ACTL8: variants seen among roughly 807,000 people sequenced by gnomAD.
ACTL8 encodes actin-like protein 8.
A neutral mutation model predicts 9.3 loss-of-function variants in ACTL8; 3 were observed. That is an observed-to-expected ratio of 0.32 (90% CI 0.15 to 0.83). ACTL8 has a LOEUF of 0.83. Ranked by LOEUF, ACTL8 falls within the 40% of genes least tolerant of loss-of-function variation. The pLI, the probability that ACTL8 is intolerant of heterozygous loss-of-function variation, is 0.57. For missense variants in ACTL8, 381 were observed against 492.2 expected, an observed-to-expected ratio of 0.77 and a Z score of 2.14; for synonymous variants, 224 against 205.9, an observed-to-expected ratio of 1.09 and a Z score of -0.75.
chr1:17,774,313 T>TG lies in ACTL8; in HGVS notation c.-25+18815dup, dbSNP rs551060463. ...AACAGCTAGGCGCCCTTGCCCACGC[T>TG]GGGGGGTGGGGGCGGGGTGTAGGCT... is the stretch of plus-strand genomic sequence containing the variant. On this transcript the variant is annotated intron_variant, in intron 1 of 2. Coordinates refer to ENST00000375406, the MANE Select transcript of ACTL8 (RefSeq NM_030812.3). Among the ~76,000 whole-genome samples, 514 of 151,238 alleles carry TG rather than the reference T, an allele frequency of 3.4e-3. 3 individuals carry two copies. Among genetic ancestry groups the TG allele is most frequent in the African/African-American group, 0.012 (482 of 41,348 alleles).
At chr1:17,784,040 C>T (rs2066177006) in intron 1 of ACTL8, among the ~76,000 whole-genome samples, 1 of 152,140 alleles carries the variant, frequency 6.6e-6, no homozygotes, top group Admixed American at 6.5e-5. Context: ...CGTATTAGTC[C>T]ATTTTCATAC....
chr1:17,816,143 T>A (rs535316435), intron 1 of ACTL8, among the ~76,000 whole-genome samples: 1 of 152,068 alleles, frequency 6.6e-6, no homozygotes, highest in African/African-American at 2.4e-5. Context: ...AAATGTACAG[T>A]ACTCTGTTAC....
At position 17,796,258 on chromosome 1, in the gene ACTL8, G is replaced by A. The variant is rs11803767; in HGVS notation, c.-24-26727G>A. On this transcript the variant is annotated intron_variant, in intron 1 of 2. Transcript: ENST00000375406. Reference sequence around the variant, plus strand: ...GGAAGAGGTGGTTTTGGGTGGGGTGGGCTTTAACTTGATGGAGGGAGGAGG... The same window carrying A: ...GGAAGAGGTGGTTTTGGGTGGGGTGAGCTTTAACTTGATGGAGGGAGGAGG... Among the ~76,000 whole-genome samples, 1,146 of 151,934 alleles carry A rather than the reference G, an allele frequency of 7.5e-3. 12 individuals carry two copies. Among genetic ancestry groups the A allele is most frequent in the African/African-American group, 0.027 (1,100 of 41,422 alleles).
chr1:17,775,593 C>T (rs1268083814), intron 1 of ACTL8, among the ~76,000 whole-genome samples: 2 of 152,228 alleles, frequency 1.3e-5, no homozygotes, highest in African/African-American at 2.4e-5. Context: ...AAAAGGCTAT[C>T]GTTTCCTGCC....
At chr1:17,794,837 A>G (rs567004372) in intron 1 of ACTL8, among the ~76,000 whole-genome samples, 1 of 152,300 alleles carries the variant, frequency 6.6e-6, no homozygotes, top group South Asian at 2.1e-4. Flanking sequence ...GCACCTTTGA[A>G]AACAGAATTG....
chr1:17,775,854 C>G (rs970647857), intron 1 of ACTL8, among the ~76,000 whole-genome samples: 2 of 152,142 alleles, frequency 1.3e-5, no homozygotes, highest in African/African-American at 4.8e-5. Flanking sequence ...GTAGACAGAC[C>G]AAGGCTAATG....
intron 1 of ACTL8, among the ~76,000 whole-genome samples, chr1:17,768,327 A>T (rs2066060456): frequency 6.6e-6 from 1 of 152,180 alleles, no homozygotes; most frequent in African/African-American, 2.4e-5. Context: ...TGGGGATTTG[A>T]CCTTGTGGCG....
rs1461260714 is a variant in ACTL8 at position 17,826,445 on chromosome 1, G to A, written c.1027G>A (p.Val343Met). Residue 343 changes from valine to methionine, a missense_variant, in exon 3 of 3, where the codon GTG (valine) becomes ATG (methionine). By Grantham distance (21) the Val-to-Met change is conservative. Coordinates refer to ENST00000375406, the MANE Select transcript of ACTL8 (RefSeq NM_030812.3). The surrounding 1 kb of genome is among the most constrained non-coding windows in gnomAD (Gnocchi z 4.5). ...RNFSVWLGAS[V>M]VAHLSTYQSE... Reference sequence around the variant, plus strand: ...CTTTAGTGTCTGGCTAGGAGCGTCCGTGGTGGCTCACCTTTCTACCTACCA... The same window carrying A: ...CTTTAGTGTCTGGCTAGGAGCGTCCATGGTGGCTCACCTTTCTACCTACCA... The A allele has an allele frequency of 6.2e-6, 10 of 1,613,240 alleles. No individual in the cohort carries two copies. The highest frequency in any genetic ancestry group is 4.0e-5 in the African/African-American group (3 of 74,898).
At chr1:17,815,102 A>G (rs979605065) in intron 1 of ACTL8, among the ~76,000 whole-genome samples, 6 of 152,262 alleles carry the variant, frequency 3.9e-5, no homozygotes, top group Non-Finnish European at 8.8e-5. Context: ...CAGTACAATA[A>G]CATGCAGTAC....
At chr1:17,783,482 G>C (rs1455977648) in intron 1 of ACTL8, among the ~76,000 whole-genome samples, 1 of 152,060 alleles carries the variant, frequency 6.6e-6, no homozygotes, top group Non-Finnish European at 1.5e-5. Context: ...GCTCGCTTTG[G>C]CAGCACCACA....
chr1:17,762,943 TGA>T, intron 1 of ACTL8, among the ~76,000 whole-genome samples: 1 of 152,128 alleles, frequency 6.6e-6, no homozygotes, highest in East Asian at 1.9e-4. Flanking sequence ...TGAGTGTGTG[TGA>T]GAGAGGGGGA....
At chr1:17,775,719 C>G (rs1570003355) in intron 1 of ACTL8, among the ~76,000 whole-genome samples, 1 of 152,210 alleles carries the variant, frequency 6.6e-6, no homozygotes, top group African/African-American at 2.4e-5. Flanking sequence ...TGGCTTGACT[C>G]CACTCCAGGC....
chr1:17,782,051 A>AT (rs1009520847), intron 1 of ACTL8, among the ~76,000 whole-genome samples: 7 of 152,134 alleles, frequency 4.6e-5, no homozygotes, highest in African/African-American at 1.4e-4. Flanking sequence ...TAAGAACCTG[A>AT]TTTTTTTGGA....
chr1:17,813,531 A>G (rs1382237485), intron 1 of ACTL8, among the ~76,000 whole-genome samples: 2 of 152,196 alleles, frequency 1.3e-5, no homozygotes, highest in Non-Finnish European at 2.9e-5. Context: ...GCTTGCCAAA[A>G]TCTTATTAAA....
intron 1 of ACTL8, among the ~76,000 whole-genome samples, chr1:17,819,235 A>G (rs2053625180): frequency 6.6e-6 from 1 of 152,242 alleles, no homozygotes; most frequent in African/African-American, 2.4e-5. Flanking sequence ...TCAGCAGGGC[A>G]GAGCCCGCTT....
At chr1:17,770,763 A>C (rs577552456) in intron 1 of ACTL8, among the ~76,000 whole-genome samples, 1 of 152,296 alleles carries the variant, frequency 6.6e-6, no homozygotes, top group South Asian at 2.1e-4. Flanking sequence ...CTCGCCATGC[A>C]CAGTGAAACC....
chr1:17,810,789 A>G (rs966062009), intron 1 of ACTL8, among the ~76,000 whole-genome samples: 1 of 152,240 alleles, frequency 6.6e-6, no homozygotes, highest in Admixed American at 6.5e-5. Flanking sequence ...TATTTCATGT[A>G]GCATAGTAAT....
At chr1:17,824,247 C>T (rs1210638479) in intron 2 of ACTL8, among the ~76,000 whole-genome samples, 1 of 152,194 alleles carries the variant, frequency 6.6e-6, no homozygotes. Context: ...AAATCCGGCC[C>T]ACCACCTATT....
chr1:17,814,503 A>G (rs1032430900), intron 1 of ACTL8, among the ~76,000 whole-genome samples: 1 of 152,082 alleles, frequency 6.6e-6, no homozygotes, highest in African/African-American at 2.4e-5. Context: ...AACACGCCAT[A>G]CCCGTTTGTA....
Sources: gnomAD v4.1 joint callset for allele counts (sites outside exome capture counted in the v4.1 genomes callset) on GRCh38, gnomAD v4.1.1 for gene constraint, Gnocchi (gnomAD v3.1) non-coding constraint, MANE v1.5 for transcripts, NCBI Gene and HGNC (gene_info 2026-07-23, HGNC 2026-07-21) for gene names.